Variants in MSI2 observed in about 807,000 individuals in gnomAD.
MSI2 encodes musashi RNA binding protein 2.
MSI2 carries 17 observed loss-of-function variants against 45.6 expected under a neutral mutation model. The observed-to-expected ratio is 0.37, with a 90% CI of 0.26 to 0.56. The LOEUF is 0.56. Among genes scored for constraint, MSI2 ranks in the 20% least tolerant of loss-of-function variants. MSI2 has a pLI of 0.77. For missense variants in MSI2, 293 were observed against 444.2 expected (o/e 0.66, Z 3.06); for synonymous variants, 156 against 158.2 (o/e 0.99, Z 0.11).
chr17:57,392,037 G>A (rs749518285), intron 5 of MSI2, among the ~76,000 whole-genome samples: 17 of 152,198 alleles, frequency 1.1e-4, no homozygotes, highest in Non-Finnish European at 2.1e-4. Context: ...TGGAGAAACC[G>A]CCTGCAGATG....
chr17:57,526,361 G>GTGTC (rs1483182652), intron 6 of MSI2, among the ~76,000 whole-genome samples: 22 of 53,698 alleles, frequency 4.1e-4, no homozygotes, highest in Non-Finnish European at 2.7e-4. Context: ...ACCTGGGTGT[G>GTGTC]TGTGTGTGTG....
rs560428949 is a variant in MSI2 at position 57,683,633 on chromosome 17, G to T, written c.*4116G>T. The T allele has an allele frequency of 3.5e-5, 8 of 230,836 alleles. No homozygotes were observed. The highest frequency in any genetic ancestry group is 2.3e-4 in the Admixed American group (4 of 17,690). 14.3% of individuals were successfully genotyped at this position (230,836 alleles called of 1,614,324 possible). A position where few individuals can be genotyped will look rare whatever the true frequency, so the allele number is the denominator to read the frequency against. On this transcript the variant is annotated 3_prime_UTR_variant, in exon 14 of 14. Transcript: ENST00000284073. The surrounding 1 kb of genome is among the most constrained non-coding windows in gnomAD (Gnocchi z 5.2). ...TCTCTTTATTGGTTGCAAGTGGCAC[G>T]CAGGAACAGAGGGAGAGTGGGGGGC...
intron 5 of MSI2, among the ~76,000 whole-genome samples, chr17:57,343,948 T>C (rs1195083853): frequency 1.3e-5 from 2 of 152,244 alleles, no homozygotes; most frequent in Admixed American, 6.5e-5. Context: ...GGGTATCGCA[T>C]CTGGAGCACT....
intron 10 of MSI2, chr17:57,631,853 A>G: frequency 6.2e-7 from 1 of 1,612,408 alleles, no homozygotes; most frequent in African/African-American, 1.3e-5. Flanking sequence ...GGCATAGCAA[A>G]GTGGGGGTTG....
intron 5 of MSI2, among the ~76,000 whole-genome samples, chr17:57,334,793 C>CA (rs58640270): frequency 0.11 from 15,138 of 141,406 alleles, 1,340 homozygotes; most frequent in African/African-American, 0.23. Context: ...GACTCCATCT[C>CA]AAAAAAAAAA....
At chr17:57,380,383 G>A (rs932393467) in intron 5 of MSI2, among the ~76,000 whole-genome samples, 7 of 152,190 alleles carry the variant, frequency 4.6e-5, no homozygotes, top group Non-Finnish European at 1.0e-4. Flanking sequence ...TGAGTGGAGT[G>A]TGTGCCCCTG....
chr17:57,524,970 C>T (rs1012257422), intron 6 of MSI2, among the ~76,000 whole-genome samples: 3 of 152,196 alleles, frequency 2.0e-5, no homozygotes, highest in African/African-American at 7.2e-5. Context: ...GTTAGAAATG[C>T]AAATACTACT....
intron 7 of MSI2, among the ~76,000 whole-genome samples, chr17:57,551,837 T>G (rs1486486988): frequency 6.6e-6 from 1 of 152,150 alleles, no homozygotes; most frequent in African/African-American, 2.4e-5. Context: ...GGGCAAGGAT[T>G]GACTAGAGGT....
intron 7 of MSI2, among the ~76,000 whole-genome samples, chr17:57,590,757 GTGCCACTTTGCTGA>G (rs896532829): frequency 6.6e-6 from 1 of 152,152 alleles, no homozygotes; most frequent in African/African-American, 2.4e-5. Context: ...GGCGGGGCAG[GTGCCACTTTGCTGA>G]TGCCAGGTGA....
chr17:57,285,794 TG>T (rs1909820782), intron 5 of MSI2: 1 of 1,314,432 alleles, frequency 7.6e-7, no homozygotes, highest in Non-Finnish European at 9.8e-7. Context: ...TTTTTAGAAA[TG>T]TTTTCTTTTC....
the MSI2 span, among the ~76,000 whole-genome samples, chr17:57,692,921 T>C: frequency 1.3e-5 from 2 of 151,752 alleles, no homozygotes; most frequent in African/African-American, 4.8e-5. Context: ...TTCTCTTTGT[T>C]TTGTCTCTTT....
intron 8 of MSI2, 143 bp from the exon 9 acceptor site, chr17:57,615,827 A>T: frequency 1.6e-6 from 1 of 616,262 alleles, no homozygotes; most frequent in Non-Finnish European, 2.9e-6. Flanking sequence ...TTTATTTTGC[A>T]GGCCATTTAC....
At chr17:57,637,551 C>T (rs1201651187) in intron 10 of MSI2, among the ~76,000 whole-genome samples, 1 of 152,224 alleles carries the variant, frequency 6.6e-6, no homozygotes, top group African/African-American at 2.4e-5. Context: ...GAGCGCTCAG[C>T]TCCCCATGGC....
At chr17:57,520,059 T>TC (rs2086552453) in intron 6 of MSI2, among the ~76,000 whole-genome samples, 2 of 152,112 alleles carry the variant, frequency 1.3e-5, no homozygotes, top group Non-Finnish European at 2.9e-5. Flanking sequence ...TTTTTAAATT[T>TC]TAAAAAGAGA....
chr17:57,607,993 A>G (rs1385558929), intron 8 of MSI2, among the ~76,000 whole-genome samples: 1 of 152,186 alleles, frequency 6.6e-6, no homozygotes, highest in Non-Finnish European at 1.5e-5. Flanking sequence ...CACCTCCAAC[A>G]CTGGGGAGTA....
intron 6 of MSI2, among the ~76,000 whole-genome samples, chr17:57,409,890 C>A (rs1423135494): frequency 6.6e-6 from 1 of 151,510 alleles, no homozygotes; most frequent in East Asian, 1.9e-4. Flanking sequence ...CACCTGTAAT[C>A]CCAGCTACTC....
At chr17:57,664,190 G>C (rs895054915) in intron 11 of MSI2, among the ~76,000 whole-genome samples, 1 of 152,172 alleles carries the variant, frequency 6.6e-6, no homozygotes, top group African/African-American at 2.4e-5. Context: ...CTTTTCCTTG[G>C]AGATAGGAAC....
At chr17:57,670,784 G>A (rs1379002889) in intron 11 of MSI2, among the ~76,000 whole-genome samples, 3 of 152,158 alleles carry the variant, frequency 2.0e-5, no homozygotes, top group African/African-American at 7.2e-5. Flanking sequence ...TCTGCATGTG[G>A]TACCTGCCTT....
At chr17:57,563,161 T>C (rs932466061) in intron 7 of MSI2, among the ~76,000 whole-genome samples, 1 of 150,952 alleles carries the variant, frequency 6.6e-6, no homozygotes, top group African/African-American at 2.4e-5. Flanking sequence ...AGTTTTGTTA[T>C]GTGTATAGGC....
Sources: gnomAD v4.1 joint callset for allele counts (sites outside exome capture counted in the v4.1 genomes callset) on GRCh38, gnomAD v4.1.1 for gene constraint, Gnocchi (gnomAD v3.1) non-coding constraint, MANE v1.5 for transcripts, NCBI Gene and HGNC (gene_info 2026-07-23, HGNC 2026-07-21) for gene names.